CACNA1I: variants seen among roughly 807,000 people sequenced by gnomAD.
CACNA1I encodes calcium voltage-gated channel subunit alpha1 I.
CACNA1I carries 74 observed loss-of-function variants against 201.6 expected under a neutral mutation model. The observed-to-expected ratio is 0.37, with a 90% CI of 0.30 to 0.45. The LOEUF is 0.45. Among genes scored for constraint, CACNA1I ranks in the 20% least tolerant of loss-of-function variants. CACNA1I has a pLI of 1.00. For synonymous variants in CACNA1I, 1,431 were observed against 1,345.2 expected (o/e 1.06, Z -1.40); for missense variants, 2,346 against 3,138.1 (o/e 0.75, Z 6.03).
intron 4 of CACNA1I, 100 bp from the exon 5 acceptor site, chr22:39,634,465 T>A: frequency 8.8e-7 from 1 of 1,137,934 alleles, no homozygotes; most frequent in African/African-American, 1.5e-5. Context: ...TGATAATGCA[T>A]CCCCCTCCCC....
intron 1 of CACNA1I, among the ~76,000 whole-genome samples, chr22:39,571,658 C>T (rs541817985): frequency 7.7e-4 from 118 of 152,358 alleles, no homozygotes; most frequent in Non-Finnish European, 1.5e-3. Context: ...GCTCTTCCCC[C>T]TGTCTGAAAA....
At chr22:39,681,125 C>A (rs1437848409) in intron 34 of CACNA1I, 73 bp downstream of exon 34, 2 of 1,485,052 alleles carry the variant, frequency 1.3e-6, no homozygotes, top group Non-Finnish European at 9.0e-7. Flanking sequence ...CCAGGCAGGA[C>A]CCCCCTGTCT....
intron 10 of CACNA1I, among the ~76,000 whole-genome samples, chr22:39,650,801 C>T (rs1934624285): frequency 6.6e-6 from 1 of 152,208 alleles, no homozygotes; most frequent in Non-Finnish European, 1.5e-5. Flanking sequence ...GCTCCAGGCC[C>T]CTGGGCCATC....
intron 10 of CACNA1I, chr22:39,656,546 A>T: frequency 2.0e-6 from 1 of 511,926 alleles, no homozygotes; most frequent in Non-Finnish European, 3.9e-6. Context: ...CGAGCTTCTC[A>T]AAGGCAGGGA....
rs912855824 is a variant in CACNA1I, at chr22:39,677,678, G to A, written c.4933+259G>A. 1.3e-5 allele frequency among the ~76,000 whole-genome samples: 2 copies of A among 152,228 alleles called. No homozygotes were observed. Among genetic ancestry groups the A allele is most frequent in the African/African-American group, 2.4e-5 (1 of 41,454 alleles). On this transcript the variant is annotated intron_variant, in intron 30 of 36. Transcript: ENST00000402142. The surrounding 1 kb of genome is among the most constrained non-coding windows in gnomAD (Gnocchi z 4.8). ...CAGGGGAAAGAGCAACAGAGCGCTC[G>A]CTGAGCTCCGCCCTGCACCGGGATG... is the stretch of plus-strand genomic sequence containing the variant.
chr22:39,685,895 A>G lies in CACNA1I; in HGVS notation c.6162A>G (p.Gly2054=). The change falls in exon 37 of 37, where the codon GGA becomes GGG. Residue 2054 remains glycine (G), a synonymous_variant. Coordinates refer to ENST00000402142, the MANE Select transcript of CACNA1I (RefSeq NM_021096.4). The surrounding 1 kb of genome is among the most constrained non-coding windows in gnomAD (Gnocchi z 5.0). ...RALGPPAPAP[G]PRAGLSPAAR... is the part of the protein sequence containing the mutation. Reference sequence around the variant, plus strand: ...TGGGGCCGCCCGCGCCTGCTCCAGGACCCCGGGCCGGCCTGTCCCCCGCCG... The same window carrying G: ...TGGGGCCGCCCGCGCCTGCTCCAGGGCCCCGGGCCGGCCTGTCCCCCGCCG... 7.0e-7 allele frequency: 1 copy of G among 1,424,786 alleles called. No homozygotes were observed. The highest frequency in any genetic ancestry group is 1.5e-5 in the South Asian group (1 of 68,902). 88.3% of individuals were successfully genotyped at this position (1,424,786 alleles called of 1,614,324 possible).
intron 35 of CACNA1I, among the ~76,000 whole-genome samples, chr22:39,683,743 C>T (rs913390063): frequency 1.5e-4 from 23 of 151,280 alleles, no homozygotes; most frequent in African/African-American, 5.4e-4. Context: ...CCTTCAGACC[C>T]CCCACCCCCA....
At chr22:39,681,531 G>C (rs1935707428) in intron 34 of CACNA1I, among the ~76,000 whole-genome samples, 1 of 152,202 alleles carries the variant, frequency 6.6e-6, no homozygotes, top group Non-Finnish European at 1.5e-5. Flanking sequence ...TCACATGTGA[G>C]GAAATGGTTC....
chr22:39,597,324 G>A (rs904100754), intron 1 of CACNA1I, among the ~76,000 whole-genome samples: 2 of 152,180 alleles, frequency 1.3e-5, no homozygotes, highest in Non-Finnish European at 2.9e-5. Flanking sequence ...TGGACACTGC[G>A]GGCTGTGTTC....
Position 39,641,324 on chromosome 22 carries a change from C to T in CACNA1I, c.1056+142C>T, listed in dbSNP as rs548371400. Reference sequence around the variant, plus strand: ...GCTGGCAGAATAGGCATTATCATGCCCATTTTATAGACAGAGAACCCAAGG... The same window carrying T: ...GCTGGCAGAATAGGCATTATCATGCTCATTTTATAGACAGAGAACCCAAGG... On this transcript the variant is annotated intron_variant, in intron 6 of 36. Transcript: ENST00000402142. The T allele has an allele frequency of 5.1e-5, 34 of 664,026 alleles. No individual in the cohort carries two copies. In the African/African-American group the frequency reaches 6.0e-4, roughly 12 times the overall value. 41.1% of individuals were successfully genotyped at this position (664,026 alleles called of 1,614,324 possible).
chr22:39,627,439 C>T (rs551268120), intron 4 of CACNA1I, among the ~76,000 whole-genome samples: 2 of 152,372 alleles, frequency 1.3e-5, no homozygotes, highest in African/African-American at 4.8e-5. Flanking sequence ...ACGGCACACA[C>T]ATCTCTGAAA....
chr22:39,587,386 A>C (rs943672744), intron 1 of CACNA1I, among the ~76,000 whole-genome samples: 1 of 152,136 alleles, frequency 6.6e-6, no homozygotes, highest in Non-Finnish European at 1.5e-5. Context: ...ATGTAAGCGG[A>C]GGGAGGCCTG....
intron 7 of CACNA1I, among the ~76,000 whole-genome samples, chr22:39,644,856 G>C (rs571730785): frequency 6.8e-6 from 1 of 147,958 alleles, no homozygotes; most frequent in Non-Finnish European, 1.5e-5. Flanking sequence ...CCTGGCTAAT[G>C]TTTAAATTTT....
chr22:39,662,178 C>A lies in CACNA1I; in HGVS notation c.3115C>A (p.His1039Asn), dbSNP rs1038473056. Reference sequence around the variant, plus strand: ...ACCCCTGCACACCCCACACGCCCACCACATTCATCACGGGCCCCATCTGGC... The same window carrying A: ...ACCCCTGCACACCCCACACGCCCACAACATTCATCACGGGCCCCATCTGGC... ...AAPLHTPHAH[H>N]IHHGPHLAHR... The change falls in exon 17 of 37, where the codon CAC becomes AAC. Residue 1039 changes from histidine to asparagine, a missense_variant. His to Asn is a moderately conservative substitution (Grantham distance 68, BLOSUM62 1). Coordinates refer to ENST00000402142, the MANE Select transcript of CACNA1I (RefSeq NM_021096.4). 3 of 1,531,840 alleles carry A rather than the reference C, an allele frequency of 2.0e-6. No homozygotes were observed. The highest frequency in any genetic ancestry group is 2.4e-5 in the South Asian group (2 of 82,628). 94.9% of individuals were successfully genotyped at this position (1,531,840 alleles called of 1,614,324 possible). A position where few individuals can be genotyped will look rare whatever the true frequency, so the allele number is the denominator to read the frequency against.
intron 1 of CACNA1I, among the ~76,000 whole-genome samples, chr22:39,585,357 C>A (rs903113785): frequency 1.3e-5 from 2 of 148,876 alleles, no homozygotes; most frequent in Non-Finnish European, 3.0e-5. Flanking sequence ...GCCACTGGGC[C>A]CGGGCTTTTT....
intron 34 of CACNA1I, among the ~76,000 whole-genome samples, chr22:39,682,008 G>A (rs1255742478): frequency 2.0e-5 from 3 of 152,194 alleles, no homozygotes; most frequent in Non-Finnish European, 4.4e-5. Context: ...GGAGGTCGGG[G>A]TGGCACGAGT....
At chr22:39,612,990 T>C (rs907041450) in intron 3 of CACNA1I, among the ~76,000 whole-genome samples, 2 of 152,218 alleles carry the variant, frequency 1.3e-5, no homozygotes, top group Non-Finnish European at 2.9e-5. Context: ...ATTTCCAGCA[T>C]CTCAGCTTCC....
chr22:39,683,645 T>C (rs979552814), intron 35 of CACNA1I, among the ~76,000 whole-genome samples: 1 of 152,184 alleles, frequency 6.6e-6, no homozygotes, highest in Non-Finnish European at 1.5e-5. Flanking sequence ...TTTTCCATTA[T>C]CTCACCCTCA....
rs1031463931 is a variant in CACNA1I, at chr22:39,685,219, A to C, written c.6028-542A>C. 1.9e-5 allele frequency: 3 copies of C among 153,914 alleles called. No individual in the cohort carries two copies. Among genetic ancestry groups the C allele is most frequent in the African/African-American group, 7.3e-5 (3 of 41,144 alleles). The allele number at this position is 153,914 out of a possible 1,614,324, so 9.5% of individuals were successfully genotyped here. A position where few individuals can be genotyped will look rare whatever the true frequency, so the allele number is the denominator to read the frequency against. On this transcript the variant is annotated intron_variant, in intron 36 of 36. Coordinates refer to ENST00000402142, the MANE Select transcript of CACNA1I (RefSeq NM_021096.4). The surrounding 1 kb of genome is among the most constrained non-coding windows in gnomAD (Gnocchi z 5.0). Reference sequence around the variant, plus strand: ...GATGATAACCAAAATAAATGTCTGCAGAGTAAAGTCTACTCCATGGTGGAC... The same window carrying C: ...GATGATAACCAAAATAAATGTCTGCCGAGTAAAGTCTACTCCATGGTGGAC...
Sources: gnomAD v4.1 joint callset for allele counts (sites outside exome capture counted in the v4.1 genomes callset) on GRCh38, gnomAD v4.1.1 for gene constraint, Gnocchi (gnomAD v3.1) non-coding constraint, MANE v1.5 for transcripts, NCBI Gene and HGNC (gene_info 2026-07-23, HGNC 2026-07-21) for gene names.